SH3GL1: variants seen among roughly 807,000 people sequenced by gnomAD.
The protein encoded by SH3GL1 is SH3 domain containing GRB2 like 1, endophilin A2.
SH3GL1 carries 21 observed loss-of-function variants against 48.8 expected under a neutral mutation model. The observed-to-expected ratio is 0.43, with a 90% CI of 0.30 to 0.62. SH3GL1 has a LOEUF of 0.62. Among genes scored for constraint, SH3GL1 ranks in the 20% least tolerant of loss-of-function variants. SH3GL1 has a pLI of 0.11. For synonymous variants in SH3GL1, 282 were observed against 217.5 expected, an observed-to-expected ratio of 1.30 and a Z score of -2.61; for missense variants, 454 against 503.0, an observed-to-expected ratio of 0.90 and a Z score of 0.93.
intron 1 of SH3GL1, among the ~76,000 whole-genome samples, chr19:4,397,618 T>A (rs750817051): frequency 6.6e-6 from 1 of 152,136 alleles, no homozygotes; most frequent in Non-Finnish European, 1.5e-5. Flanking sequence ...GGAGCAGTAC[T>A]CTATGGTGCT....
intron 1 of SH3GL1, among the ~76,000 whole-genome samples, chr19:4,373,508 T>C (rs1310987486): frequency 6.6e-6 from 1 of 152,172 alleles, no homozygotes. Flanking sequence ...GAAATTATTT[T>C]CTCACGGAAA....
intron 6 of SH3GL1, 96 bp downstream of exon 6, chr19:4,363,624 G>A (rs769379486): frequency 1.3e-6 from 2 of 1,535,880 alleles, no homozygotes; most frequent in East Asian, 4.5e-5. Context: ...GCAGCGGCCA[G>A]GTAGGTGCCG....
In SH3GL1 at chr19:4,367,013, G is replaced by A. The variant is rs1355807643; in HGVS notation, c.46-19C>T. 1 of 1,612,350 alleles carries A rather than the reference G, an allele frequency of 6.2e-7. No homozygotes were observed. Among genetic ancestry groups the A allele is most frequent in the South Asian group, 1.1e-5 (1 of 91,050 alleles). ...TGACCAGCTAGAGGACAGAAGAGGG[G>A]AAACGCTGTGAGCCCAGGGGTAGGA... is the stretch of plus-strand genomic sequence containing the variant. On this transcript the variant is annotated intron_variant, in intron 1 of 9. Transcript: ENST00000269886. The surrounding 1 kb of genome is among the most constrained non-coding windows in gnomAD (Gnocchi z 4.2).
intron 1 of SH3GL1, among the ~76,000 whole-genome samples, chr19:4,398,922 T>C (rs1456849139): frequency 6.6e-6 from 1 of 152,214 alleles, no homozygotes; most frequent in East Asian, 1.9e-4. Flanking sequence ...ATTGTAGTAA[T>C]GGTAACAGAA....
rs1440318527 is a variant in SH3GL1, at chr19:4,367,744, G to A, written c.46-750C>T. On this transcript the variant is annotated intron_variant, in intron 1 of 9. Transcript: ENST00000269886. This position sits in a 1 kb window ranked among gnomAD's most constrained non-coding sequence, Gnocchi z 4.2. ...TTCCCAAACCACTCCCTCTGACAGC[G>A]CCTGGGATGCGAAAAACAGCCCTGA... Among the ~76,000 whole-genome samples the A allele has an allele frequency of 2.6e-5, 4 of 152,208 alleles. No homozygotes were observed. The highest frequency in any genetic ancestry group is 2.1e-4 in the South Asian group (1 of 4,832).
chr19:4,368,026 G>A (rs1972819890), intron 1 of SH3GL1, among the ~76,000 whole-genome samples: 1 of 152,240 alleles, frequency 6.6e-6, no homozygotes, highest in Non-Finnish European at 1.5e-5. Context: ...CCCTCTGGGG[G>A]CCAAGTGTCA....
rs140779065 is a variant in SH3GL1 at position 4,376,906 on chromosome 19, T to C, written c.46-9912A>G. Among the ~76,000 whole-genome samples, 1,947 of 152,256 alleles carry C rather than the reference T, an allele frequency of 0.013. 28 individuals are homozygous for C. The highest frequency in any genetic ancestry group is 0.024 in the Middle Eastern group (7 of 294). ...GAATAAAGGACCCCGGGCAACCTCT[T>C]GGGGGTCCTCGCCACATCCCACCCC... On this transcript the variant is annotated intron_variant, in intron 1 of 9. Coordinates refer to ENST00000269886, the MANE Select transcript of SH3GL1 (RefSeq NM_003025.4). This position sits in a 1 kb window ranked among gnomAD's most constrained non-coding sequence, Gnocchi z 4.3.
intron 1 of SH3GL1, among the ~76,000 whole-genome samples, chr19:4,374,683 G>C (rs933231885): frequency 6.6e-6 from 1 of 152,194 alleles, no homozygotes; most frequent in Non-Finnish European, 1.5e-5. Context: ...TGCCCTTCCC[G>C]TGCTGTGGCC....
At position 4,400,458 on chromosome 19, in the gene SH3GL1, C is replaced by G. The variant is rs987376884; in HGVS notation, c.-90G>C. 6 of 1,159,926 alleles carry G rather than the reference C, an allele frequency of 5.2e-6. No individual in the cohort carries two copies. Among genetic ancestry groups the G allele is most frequent in the Middle Eastern group, 3.5e-4 (1 of 2,882 alleles). 71.9% of individuals were successfully genotyped at this position (1,159,926 alleles called of 1,614,324 possible). ...ACCCTCTGCGCGCCTCAGCAGTCCC[C>G]GTCGGCGCCGCCTCCGCCACCCGCT... is the stretch of plus-strand genomic sequence containing the variant. On this transcript the variant is annotated 5_prime_UTR_variant, in exon 1 of 10. Transcript: ENST00000269886. The surrounding 1 kb of genome is among the most constrained non-coding windows in gnomAD (Gnocchi z 4.1).
chr19:4,396,713 G>A (rs1202901267), intron 1 of SH3GL1, among the ~76,000 whole-genome samples: 2 of 151,832 alleles, frequency 1.3e-5, no homozygotes, highest in Non-Finnish European at 2.9e-5. Flanking sequence ...TTGACATTTG[G>A]GGCCAGGTAA....
chr19:4,377,223 C>T (rs557423304), intron 1 of SH3GL1, among the ~76,000 whole-genome samples: 12 of 152,252 alleles, frequency 7.9e-5, no homozygotes, highest in African/African-American at 2.4e-4. Context: ...GGAGGATGCC[C>T]GGGAACAGTG....
At chr19:4,371,784 G>A (rs1200428204) in intron 1 of SH3GL1, among the ~76,000 whole-genome samples, 1 of 152,138 alleles carries the variant, frequency 6.6e-6, no homozygotes, top group Admixed American at 6.5e-5. Flanking sequence ...CTGCCTGCCC[G>A]TCGGCATCGG....
At chr19:4,398,741 T>A (rs549805114) in intron 1 of SH3GL1, among the ~76,000 whole-genome samples, 1 of 152,130 alleles carries the variant, frequency 6.6e-6, no homozygotes. Context: ...TTCTGGAGAG[T>A]GGATCCACAG....
intron 3 of SH3GL1, among the ~76,000 whole-genome samples, 167 bp from the exon 4 acceptor site, chr19:4,365,792 C>A (rs1012832732): frequency 2.6e-5 from 4 of 152,244 alleles, no homozygotes; most frequent in Admixed American, 6.5e-5. Context: ...CCTGCTCCTG[C>A]TAGCCTCAAA....
chr19:4,364,125 AG>A lies in SH3GL1; in HGVS notation c.427del (p.Leu143SerfsTer9), dbSNP rs1237630049. ...IEVKQNFIDP[L>X]QNLCEKDLKE... ...CAGGTCTTTCTCGCACAGGTTCTGG[AG>A]GGGGTCAATGAAGTTCTGCTTGACC... On this transcript the variant is annotated frameshift_variant, in exon 5 of 10. Coordinates refer to ENST00000269886, the MANE Select transcript of SH3GL1 (RefSeq NM_003025.4). LOFTEE classifies it high-confidence loss of function. 6.2e-7 allele frequency: 1 copy of A among 1,613,514 alleles called. No individual in the cohort carries two copies. Among genetic ancestry groups the A allele is most frequent in the Non-Finnish European group, 8.5e-7 (1 of 1,179,996 alleles).
At chr19:4,371,657 C>T (rs1483078863) in intron 1 of SH3GL1, among the ~76,000 whole-genome samples, 10 of 152,336 alleles carry the variant, frequency 6.6e-5, no homozygotes, top group Middle Eastern at 3.4e-3. Flanking sequence ...GCAGAGGGGT[C>T]GGCCCCAGGG....
chr19:4,363,708 C>G lies in SH3GL1; in HGVS notation c.624+12G>C, dbSNP rs572352608. 19 of 1,612,674 alleles carry G rather than the reference C, an allele frequency of 1.2e-5. No homozygotes were observed. Among genetic ancestry groups the G allele is most frequent in the Non-Finnish European group, 1.5e-5 (18 of 1,179,952 alleles). On this transcript the variant is annotated intron_variant, in intron 6 of 9. Transcript: ENST00000269886. ...TAGGTCTTCTCAGGATGTGACACCC[C>G]GAGCTACTCACGTCAGTCTCCAGGA...
rs533007138 is a variant in SH3GL1 at position 4,370,712 on chromosome 19, C to T, written c.46-3718G>A. On this transcript the variant is annotated intron_variant, in intron 1 of 9. Transcript: ENST00000269886. ...AAGACTCTGCCCCTGCTTCAGATGCCGGCTGGCCTCCCACAGAGGCTGTGA... is the reference window on the plus strand; with the variant it reads ...AAGACTCTGCCCCTGCTTCAGATGCTGGCTGGCCTCCCACAGAGGCTGTGA... 1.6e-3 allele frequency among the ~76,000 whole-genome samples: 245 copies of T among 152,374 alleles called. 2 individuals are homozygous for T. The highest frequency in any genetic ancestry group is 5.6e-3 in the African/African-American group (231 of 41,580).
At chr19:4,373,791 C>T (rs935611285) in intron 1 of SH3GL1, among the ~76,000 whole-genome samples, 2 of 152,234 alleles carry the variant, frequency 1.3e-5, no homozygotes, top group Non-Finnish European at 2.9e-5. Flanking sequence ...CCCCACGGCC[C>T]CCAGGCTGTG....
Sources: gnomAD v4.1 joint callset for allele counts (sites outside exome capture counted in the v4.1 genomes callset) on GRCh38, gnomAD v4.1.1 for gene constraint, Gnocchi (gnomAD v3.1) non-coding constraint, MANE v1.5 for transcripts, NCBI Gene and HGNC (gene_info 2026-07-23, HGNC 2026-07-21) for gene names.